The following RTN1 variants were observed in gnomAD, a reference collection of about 807,000 sequenced individuals.
RTN1 encodes reticulon 1, also known as reticulon-1.
A neutral mutation model predicts 65.5 loss-of-function variants in RTN1; 25 were observed. The observed-to-expected ratio is 0.38, with a 90% CI of 0.28 to 0.53. The LOEUF (loss-of-function observed/expected upper bound fraction) is 0.53, where lower values mean the gene tolerates loss of function less well. Among genes scored for constraint, RTN1 ranks in the 20% least tolerant of loss-of-function variants. The pLI is 0.79. For missense variants in RTN1, 983 were observed against 1,025.4 expected, an observed-to-expected ratio of 0.96 and a Z score of 0.57; for synonymous variants, 471 against 447.6, an observed-to-expected ratio of 1.05 and a Z score of -0.66.
At chr14:59,645,374 T>C (rs934915702) in intron 3 of RTN1, among the ~76,000 whole-genome samples, 3 of 152,220 alleles carry the variant, frequency 2.0e-5, no homozygotes, top group African/African-American at 4.8e-5. Flanking sequence ...CTTTTATATA[T>C]GTTTGTTACA....
intron 3 of RTN1, among the ~76,000 whole-genome samples, chr14:59,683,446 G>T (rs1379079613): frequency 2.9e-5 from 2 of 68,048 alleles, no homozygotes; most frequent in African/African-American, 6.4e-5. Flanking sequence ...CTTTCTTTTA[G>T]AAAATTGAAA....
chr14:59,671,320 G>A (rs1295787987), intron 3 of RTN1, among the ~76,000 whole-genome samples: 3 of 152,100 alleles, frequency 2.0e-5, no homozygotes, highest in East Asian at 1.9e-4. Flanking sequence ...ATAGGCCCAC[G>A]ATCCAGAGTT....
chr14:59,746,557 C>T, intron 1 of RTN1, 76 bp from the exon 2 acceptor site: 2 of 1,281,300 alleles, frequency 1.6e-6, no homozygotes, highest in East Asian at 2.3e-5. Flanking sequence ...CCACCACCCA[C>T]CCCTGCCTGG....
rs1183322942 is a variant in RTN1 at position 59,870,672 on chromosome 14, C to CAG, written c.-44_-43dup. On this transcript the variant is annotated 5_prime_UTR_variant, in exon 1 of 9. Transcript: ENST00000267484. The surrounding 1 kb of genome is among the most constrained non-coding windows in gnomAD (Gnocchi z 5.1). ...GCGCGGCGACGGCGGCTTGGCTGGG[C>CAG]AGAGGCTCGGTGGCTGCGCGGGCGC... 2 of 1,335,436 alleles carry CAG rather than the reference C, an allele frequency of 1.5e-6. No individual in the cohort carries two copies. The highest frequency in any genetic ancestry group is 1.9e-6 in the Non-Finnish European group (2 of 1,051,874). 82.7% of individuals were successfully genotyped at this position (1,335,436 alleles called of 1,614,324 possible).
chr14:59,631,912 C>T (rs1882564156), intron 3 of RTN1, among the ~76,000 whole-genome samples: 1 of 152,154 alleles, frequency 6.6e-6, no homozygotes, highest in Non-Finnish European at 1.5e-5. Context: ...GAAGTGGAGC[C>T]TTCCCGATTC....
chr14:59,763,298 C>T (rs1885784681), intron 1 of RTN1, among the ~76,000 whole-genome samples: 1 of 152,156 alleles, frequency 6.6e-6, no homozygotes, highest in South Asian at 2.1e-4. Flanking sequence ...TCCGAGCTAT[C>T]GCATCTATAA....
intron 1 of RTN1, among the ~76,000 whole-genome samples, chr14:59,765,927 T>C (rs1208086021): frequency 1.3e-5 from 2 of 152,192 alleles, no homozygotes; most frequent in Non-Finnish European, 2.9e-5. Flanking sequence ...TTGCATTTGA[T>C]GCTTTAAAAG....
chr14:59,748,729 C>T (rs147711310), intron 1 of RTN1, among the ~76,000 whole-genome samples: 1 of 151,986 alleles, frequency 6.6e-6, no homozygotes, highest in African/African-American at 2.4e-5. Context: ...ATATAGGCAC[C>T]TAAAACAGGG....
intron 3 of RTN1, among the ~76,000 whole-genome samples, chr14:59,660,435 AC>A (rs1478336113): frequency 6.6e-6 from 1 of 152,226 alleles, no homozygotes; most frequent in East Asian, 1.9e-4. Context: ...AACAGAATAT[AC>A]ATTTTTCTCT....
At chr14:59,610,799 T>C (rs1212046828) in intron 3 of RTN1, among the ~76,000 whole-genome samples, 4 of 152,196 alleles carry the variant, frequency 2.6e-5, no homozygotes, top group Non-Finnish European at 5.9e-5. Context: ...GGCTACAAGA[T>C]TCTGACCCTC....
chr14:59,618,030 GA>G (rs1882151803), intron 3 of RTN1, among the ~76,000 whole-genome samples: 1 of 152,046 alleles, frequency 6.6e-6, no homozygotes, highest in Admixed American at 6.6e-5. Flanking sequence ...CCGAGACAGC[GA>G]AAGAGATCTA....
intron 3 of RTN1, among the ~76,000 whole-genome samples, chr14:59,700,537 C>T (rs768603171): frequency 6.6e-5 from 10 of 152,076 alleles, no homozygotes; most frequent in Non-Finnish European, 1.3e-4. Flanking sequence ...TAAATCAATA[C>T]AACAAAATTA....
At chr14:59,613,953 T>C (rs1408329212) in intron 3 of RTN1, among the ~76,000 whole-genome samples, 1 of 152,192 alleles carries the variant, frequency 6.6e-6, no homozygotes, top group Non-Finnish European at 1.5e-5. Context: ...CTTCGTATTA[T>C]GATAATTAGG....
At chr14:59,728,100 G>A (rs1884818925) in intron 2 of RTN1, among the ~76,000 whole-genome samples, 1 of 151,962 alleles carries the variant, frequency 6.6e-6, no homozygotes, top group African/African-American at 2.4e-5. Context: ...CTCTAATTGG[G>A]CCCACGAATA....
chr14:59,824,590 T>G (rs1306737215), intron 1 of RTN1, among the ~76,000 whole-genome samples: 2 of 152,202 alleles, frequency 1.3e-5, no homozygotes, highest in African/African-American at 4.8e-5. Context: ...AGGAAAATAC[T>G]CCCCTTGCTT....
At chr14:59,828,644 GC>G (rs1887074892) in intron 1 of RTN1, among the ~76,000 whole-genome samples, 1 of 152,302 alleles carries the variant, frequency 6.6e-6, no homozygotes, top group East Asian at 1.9e-4. Context: ...TCAGGGAATA[GC>G]CCACTACAGA....
chr14:59,626,619 A>G (rs919448116), intron 3 of RTN1, among the ~76,000 whole-genome samples: 2 of 152,316 alleles, frequency 1.3e-5, no homozygotes, highest in African/African-American at 4.8e-5. Flanking sequence ...AGTACAGTCG[A>G]AGTGTTAAAA....
intron 1 of RTN1, among the ~76,000 whole-genome samples, chr14:59,754,614 C>A (rs1885598824): frequency 6.6e-6 from 1 of 152,124 alleles, no homozygotes; most frequent in South Asian, 2.1e-4. Flanking sequence ...GCTAGGAGGA[C>A]TAAATGAGAT....
rs17096505 is a variant in RTN1 at position 59,679,985 on chromosome 14, G to A, written c.1765+46934C>T. Among the ~76,000 whole-genome samples, 264 of 152,292 alleles carry A rather than the reference G, an allele frequency of 1.7e-3. 2 individuals are homozygous for A. Among genetic ancestry groups the A allele is most frequent in the African/African-American group, 6.2e-3 (257 of 41,556 alleles). Reference sequence around the variant, plus strand: ...ACAGAATCTAAATAAGGCTTGGTGTGTTGTGCAACCTCTACAACATAGCAA... The same window carrying A: ...ACAGAATCTAAATAAGGCTTGGTGTATTGTGCAACCTCTACAACATAGCAA... On this transcript the variant is annotated intron_variant, in intron 3 of 8. Coordinates refer to ENST00000267484, the MANE Select transcript of RTN1 (RefSeq NM_021136.3).
Sources: gnomAD v4.1 joint callset for allele counts (sites outside exome capture counted in the v4.1 genomes callset) on GRCh38, gnomAD v4.1.1 for gene constraint, Gnocchi (gnomAD v3.1) non-coding constraint, MANE v1.5 for transcripts, NCBI Gene and HGNC (gene_info 2026-07-23, HGNC 2026-07-21) for gene names.